The following STK32C variants were observed in gnomAD, a reference collection of about 807,000 sequenced individuals.
The protein encoded by STK32C is serine/threonine-protein kinase 32C.
STK32C carries 31 observed loss-of-function variants against 56.5 expected under a neutral mutation model. That is an observed-to-expected ratio of 0.55 (90% CI 0.41 to 0.74). The LOEUF (loss-of-function observed/expected upper bound fraction) is 0.74, where lower values mean the gene tolerates loss of function less well. Ranked by LOEUF, STK32C falls within the 30% of genes least tolerant of loss-of-function variation. The pLI is 0.00. For synonymous variants in STK32C, 309 were observed against 289.4 expected (o/e 1.07, Z -0.69); for missense variants, 544 against 676.9 (o/e 0.80, Z 2.18).
At chr10:132,274,048 A>C (rs936931897) in intron 1 of STK32C, among the ~76,000 whole-genome samples, 1 of 152,192 alleles carries the variant, frequency 6.6e-6, no homozygotes, top group Admixed American at 6.5e-5. Context: ...CATCGACTTA[A>C]ACATTTGCGA....
At chr10:132,221,743 T>A in intron 10 of STK32C, among the ~76,000 whole-genome samples, 1 of 137,564 alleles carries the variant, frequency 7.3e-6, no homozygotes, top group Non-Finnish European at 1.5e-5. Context: ...CACATGGCCG[T>A]CCCTGCACAC....
intron 1 of STK32C, among the ~76,000 whole-genome samples, chr10:132,266,627 TCAATTTGTCTCCAGGA>T (rs1399327129): frequency 6.6e-6 from 1 of 151,914 alleles, no homozygotes; most frequent in Non-Finnish European, 1.5e-5. Context: ...CAAGGAGCCC[TCAATTTGTCTCCAGGA>T]CAACCCCGAG....
chr10:132,209,397 G>A (rs757860214), intron 10 of STK32C: 15 of 631,194 alleles, frequency 2.4e-5, no homozygotes, highest in Non-Finnish European at 4.4e-5. Flanking sequence ...TTCTCTGCGG[G>A]ACTTTGCTGG....
At chr10:132,291,205 G>A (rs1245541343) in intron 1 of STK32C, among the ~76,000 whole-genome samples, 1 of 152,238 alleles carries the variant, frequency 6.6e-6, no homozygotes, top group Non-Finnish European at 1.5e-5. Context: ...GCTCTCTGGA[G>A]CATTGCCGTT....
chr10:132,322,921 G>A (rs187780935), downstream of STK32C, among the ~76,000 whole-genome samples: 182 of 152,224 alleles, frequency 1.2e-3, 1 homozygote, highest in African/African-American at 3.3e-3. Context: ...ACATTTGATC[G>A]CTTACTCAAT....
intron 1 of STK32C, among the ~76,000 whole-genome samples, chr10:132,304,954 C>G (rs2066013129): frequency 6.6e-6 from 1 of 152,152 alleles, no homozygotes; most frequent in South Asian, 2.1e-4. Flanking sequence ...GACGGGCGAG[C>G]GCCCCCCAGG....
At chr10:132,289,150 C>T (rs777405467) in intron 1 of STK32C, among the ~76,000 whole-genome samples, 12 of 152,054 alleles carry the variant, frequency 7.9e-5, no homozygotes, top group Admixed American at 7.2e-4. Context: ...GACAAAAGCA[C>T]GAAGGTAATC....
intron 8 of STK32C, among the ~76,000 whole-genome samples, chr10:132,223,526 A>G (rs868259250): frequency 1.3e-5 from 2 of 152,334 alleles, no homozygotes; most frequent in African/African-American, 4.8e-5. Context: ...CGTGTGGGTC[A>G]TCCCCAGTCC....
At chr10:132,234,355 C>T (rs564613512) in intron 2 of STK32C, among the ~76,000 whole-genome samples, 4 of 152,346 alleles carry the variant, frequency 2.6e-5, no homozygotes, top group Non-Finnish European at 5.9e-5. Context: ...CACGTCCCTT[C>T]CTCTTCTGCC....
intron 11 of STK32C, 84 bp from the exon 12 acceptor site, chr10:132,208,235 G>C (rs756885661): frequency 7.9e-7 from 1 of 1,263,442 alleles, no homozygotes; most frequent in East Asian, 3.0e-5. Context: ...GGGCTCATGG[G>C]GTAGGCCATG....
chr10:132,319,373 G>C (rs918642347), downstream of STK32C, among the ~76,000 whole-genome samples: 5 of 152,180 alleles, frequency 3.3e-5, no homozygotes, highest in Non-Finnish European at 5.9e-5. Context: ...CTTAAAGATA[G>C]GTGCATGAAT....
At chr10:132,294,046 C>T (rs976250042) in intron 1 of STK32C, among the ~76,000 whole-genome samples, 6 of 152,118 alleles carry the variant, frequency 3.9e-5, no homozygotes, top group African/African-American at 1.2e-4. Flanking sequence ...CTGAGACACT[C>T]GAGTGGCAAT....
chr10:132,262,859 C>A, intron 1 of STK32C, among the ~76,000 whole-genome samples: 1 of 151,720 alleles, frequency 6.6e-6, no homozygotes, highest in Admixed American at 6.6e-5. Flanking sequence ...CATCACTAAT[C>A]ATCAGAGAAA....
chr10:132,321,262 T>C (rs2138462187), downstream of STK32C, among the ~76,000 whole-genome samples: 1 of 152,340 alleles, frequency 6.6e-6, no homozygotes, highest in South Asian at 2.1e-4. Flanking sequence ...AAGCTGCATC[T>C]GTGGCCCAGA....
intron 1 of STK32C, among the ~76,000 whole-genome samples, chr10:132,274,014 G>C (rs2064919927): frequency 6.6e-6 from 1 of 152,238 alleles, no homozygotes; most frequent in Admixed American, 6.5e-5. Context: ...TTTTCCATAA[G>C]ATCCGCAAGT....
At position 132,307,911 on chromosome 10, in the gene STK32C, G is replaced by A. The variant is rs2066129750; in HGVS notation, c.-78C>T. 5 of 1,102,302 alleles carry A rather than the reference G, an allele frequency of 4.5e-6. No individual in the cohort carries two copies. Among genetic ancestry groups the A allele is most frequent in the Non-Finnish European group, 3.3e-6 (3 of 902,680 alleles). 68.3% of individuals were successfully genotyped at this position (1,102,302 alleles called of 1,614,324 possible). On this transcript the variant is annotated 5_prime_UTR_variant, in exon 1 of 12. Transcript: ENST00000298630. This position sits in a 1 kb window ranked among gnomAD's most constrained non-coding sequence, Gnocchi z 4.4. The stretch of plus-strand genomic sequence containing the variant: ...AGGGCCGGGAGCGGCAGTGGTAGCG[G>A]GAGCGCTCGGGGCCGGCAGCGCCCG...
chr10:132,216,467 C>CA (rs35942990), intron 10 of STK32C, among the ~76,000 whole-genome samples: 58,486 of 121,054 alleles, frequency 0.48, 13,918 homozygotes, highest in East Asian at 0.63. Flanking sequence ...AAGACTGTCT[C>CA]AAAAAAAAAA....
intron 1 of STK32C, among the ~76,000 whole-genome samples, chr10:132,274,545 C>T (rs905523949): frequency 1.3e-5 from 2 of 152,170 alleles, no homozygotes. Flanking sequence ...GAGGCTGCAC[C>T]GCCCGCTGAC....
chr10:132,273,061 T>C (rs541289292), intron 1 of STK32C, among the ~76,000 whole-genome samples: 1 of 152,324 alleles, frequency 6.6e-6, no homozygotes, highest in South Asian at 2.1e-4. Context: ...TTCACCCCAA[T>C]GAAGACTGCA....
Sources: allele counts gnomAD v4.1 joint callset (sites outside exome capture counted in the v4.1 genomes callset), GRCh38; gene constraint gnomAD v4.1.1; non-coding constraint Gnocchi (gnomAD v3.1); transcripts MANE v1.5; gene names NCBI Gene and HGNC (gene_info 2026-07-23, HGNC 2026-07-21).